Variants in HDAC9 observed in about 807,000 individuals in gnomAD.
HDAC9 encodes MEF-2 interacting transcription repressor (MITR) protein.
HDAC9 carries 41 observed loss-of-function variants against 139.4 expected under a neutral mutation model. The observed-to-expected ratio is 0.29, with a 90% confidence interval of 0.23 to 0.38. The LOEUF is 0.38. Among genes scored for constraint, HDAC9 ranks in the 10% least tolerant of loss-of-function variants. The pLI is 1.00. For missense variants in HDAC9, 1,147 were observed against 1,297.0 expected (o/e 0.88, Z 1.78); for synonymous variants, 517 against 476.2 (o/e 1.09, Z -1.12).
upstream of HDAC9, among the ~76,000 whole-genome samples, chr7:18,287,269 A>G (rs1797513916): frequency 6.6e-6 from 1 of 152,200 alleles, no homozygotes; most frequent in African/African-American, 2.4e-5. Flanking sequence ...CTGCAAAGAA[A>G]AAAGAAAAAT....
At chr7:18,184,101 T>G (rs1410380002) in intron 2 of HDAC9, among the ~76,000 whole-genome samples, 1 of 152,204 alleles carries the variant, frequency 6.6e-6, no homozygotes, top group African/African-American at 2.4e-5. Flanking sequence ...TATTTGCATA[T>G]AAATAATGAG....
chr7:18,535,642 A>G (rs557817944), intron 2 of HDAC9, among the ~76,000 whole-genome samples: 1 of 151,522 alleles, frequency 6.6e-6, no homozygotes, highest in Admixed American at 6.6e-5. Context: ...AGAAAAAGAA[A>G]GTATCAGAAA....
chr7:18,291,960 C>T (rs955101725), intron 1 of HDAC9, among the ~76,000 whole-genome samples: 1 of 152,084 alleles, frequency 6.6e-6, no homozygotes, highest in Non-Finnish European at 1.5e-5. Flanking sequence ...TAGAGGCTGC[C>T]TCATATCTGA....
At position 18,689,794 on chromosome 7, in the gene HDAC9, ATGG is replaced by A. The variant is rs541915901; in HGVS notation, c.1731+23320_1731+23322del. 4.4e-3 allele frequency among the ~76,000 whole-genome samples: 674 copies of A among 152,046 alleles called. 2 individuals carry two copies. The highest frequency in any genetic ancestry group is 0.016 in the African/African-American group (649 of 41,526). ...TTGGTGGCATATTTCTTCTGTGGCT[ATGG>A]TTGGCTTAAAATAAGCATTTTTGGT... On this transcript the variant is annotated intron_variant, in intron 12 of 25. Coordinates refer to ENST00000686413, the MANE Select transcript of HDAC9 (RefSeq NM_178425.4).
chr7:18,242,833 T>C (rs762676420), intron 2 of HDAC9, among the ~76,000 whole-genome samples: 7 of 152,194 alleles, frequency 4.6e-5, no homozygotes, highest in Non-Finnish European at 8.8e-5. Flanking sequence ...TGGTCTATTA[T>C]GTACCTTTAG....
chr7:18,235,730 C>T (rs1442908567), intron 2 of HDAC9, among the ~76,000 whole-genome samples: 1 of 152,094 alleles, frequency 6.6e-6, no homozygotes, highest in African/African-American at 2.4e-5. Flanking sequence ...AGATATTAGC[C>T]TTATTTTGTA....
At chr7:18,238,483 C>T (rs756623581) in intron 2 of HDAC9, among the ~76,000 whole-genome samples, 5 of 152,140 alleles carry the variant, frequency 3.3e-5, no homozygotes, top group Non-Finnish European at 5.9e-5. Context: ...ATTTCCCCAG[C>T]GCAGTGTAGA....
intron 21 of HDAC9, among the ~76,000 whole-genome samples, chr7:18,845,662 T>A (rs775698136): frequency 6.6e-6 from 1 of 152,102 alleles, no homozygotes; most frequent in African/African-American, 2.4e-5. Context: ...TTCTTTTTCA[T>A]AGGTGTGTTA....
At chr7:18,585,242 C>T (rs771188087) in intron 2 of HDAC9, 39 bp from the exon 3 acceptor site, 1 of 1,596,890 alleles carries the variant, frequency 6.3e-7, no homozygotes, top group Non-Finnish European at 8.6e-7. Context: ...CTTCTATTAC[C>T]CTCCCCCACC....
At chr7:18,207,539 C>CTTGTTTTTTTTTTT (rs1791615394) in intron 2 of HDAC9, among the ~76,000 whole-genome samples, 1 of 53,730 alleles carries the variant, frequency 1.9e-5, no homozygotes, top group Non-Finnish European at 3.1e-5. Flanking sequence ...CCCAAGGAGT[C>CTTGTTTTTTTTTTT]TTTTTTTTTT....
intron 1 of HDAC9, among the ~76,000 whole-genome samples, chr7:18,412,858 G>T (rs1788701934): frequency 6.6e-6 from 1 of 152,086 alleles, no homozygotes; most frequent in African/African-American, 2.4e-5. Flanking sequence ...TAAAACAATA[G>T]TGTAATGAAA....
intron 12 of HDAC9, among the ~76,000 whole-genome samples, chr7:18,674,240 C>G (rs1781357218): frequency 6.6e-6 from 1 of 151,926 alleles, no homozygotes; most frequent in Non-Finnish European, 1.5e-5. Context: ...TGCAATAGCC[C>G]CCTTTTACAT....
chr7:18,216,889 T>G (rs1441899192), intron 2 of HDAC9, among the ~76,000 whole-genome samples: 2 of 152,202 alleles, frequency 1.3e-5, no homozygotes, highest in African/African-American at 4.8e-5. Flanking sequence ...TATTGTCATT[T>G]GCATAGTTAT....
At chr7:18,438,503 A>G (rs1042879767) in intron 1 of HDAC9, among the ~76,000 whole-genome samples, 33 of 152,164 alleles carry the variant, frequency 2.2e-4, no homozygotes, top group Admixed American at 1.8e-3. Context: ...ATGCATGTAG[A>G]GTTTTTATTT....
intron 2 of HDAC9, among the ~76,000 whole-genome samples, chr7:18,166,623 T>G (rs1788030545): frequency 1.3e-5 from 2 of 152,214 alleles, no homozygotes; most frequent in African/African-American, 4.8e-5. Context: ...CTGCAAGCAT[T>G]TTTAAAGAGG....
At chr7:18,839,239 A>G (rs1796433561) in intron 21 of HDAC9, among the ~76,000 whole-genome samples, 1 of 152,040 alleles carries the variant, frequency 6.6e-6, no homozygotes, top group Non-Finnish European at 1.5e-5. Flanking sequence ...TAGAAACTTT[A>G]TAGACATTAT....
intron 1 of HDAC9, among the ~76,000 whole-genome samples, chr7:18,427,871 C>T (rs1790271761): frequency 6.6e-6 from 1 of 152,086 alleles, no homozygotes; most frequent in South Asian, 2.1e-4. Flanking sequence ...AAATTTTATA[C>T]CCATTGATTA....
At chr7:18,420,673 C>G (rs551892161) in intron 1 of HDAC9, among the ~76,000 whole-genome samples, 1 of 152,278 alleles carries the variant, frequency 6.6e-6, no homozygotes, top group East Asian at 1.9e-4. Flanking sequence ...ATCATGCAGA[C>G]TCAGTGGTGA....
At chr7:18,863,730 AAAC>A (rs1798280456) in intron 21 of HDAC9, among the ~76,000 whole-genome samples, 1 of 152,214 alleles carries the variant, frequency 6.6e-6, no homozygotes, top group South Asian at 2.1e-4. Context: ...TGGTGAAAAA[AAAC>A]CAGAAGAGAA....
Sources: gnomAD v4.1 joint callset for allele counts (sites outside exome capture counted in the v4.1 genomes callset) on GRCh38, gnomAD v4.1.1 for gene constraint, MANE v1.5 for transcripts, NCBI Gene and HGNC (gene_info 2026-07-23, HGNC 2026-07-21) for gene names.